GABRG3: variants seen among roughly 807,000 people sequenced by gnomAD.
GABRG3 encodes the protein gamma-aminobutyric acid type A receptor subunit gamma3, also known as gamma-aminobutyric acid receptor subunit gamma-3.
In GABRG3, 25 loss-of-function variants were observed where a neutral mutation model predicts 48.8. That is an observed-to-expected ratio of 0.51 (90% CI 0.37 to 0.72). The LOEUF (loss-of-function observed/expected upper bound fraction) is 0.72, where lower values mean the gene tolerates loss of function less well. Among genes scored for constraint, GABRG3 ranks in the 30% least tolerant of loss-of-function variants. The pLI is 0.00. For synonymous variants in GABRG3, 227 were observed against 217.6 expected (o/e 1.04, Z -0.38); for missense variants, 394 against 577.9 (o/e 0.68, Z 3.26).
At chr15:27,304,613 A>G (rs1216833401) in intron 3 of GABRG3, among the ~76,000 whole-genome samples, 1 of 151,600 alleles carries the variant, frequency 6.6e-6, no homozygotes, top group East Asian at 1.9e-4. Context: ...TGACTGCATG[A>G]CTCTGACCTC....
chr15:27,330,517 C>T (rs914133956), intron 5 of GABRG3, among the ~76,000 whole-genome samples: 1 of 152,232 alleles, frequency 6.6e-6, no homozygotes, highest in Non-Finnish European at 1.5e-5. Context: ...TCTGTAATAG[C>T]TTCCCTTGTT....
chr15:27,350,794 A>G (rs1894538301), intron 5 of GABRG3, among the ~76,000 whole-genome samples: 1 of 152,210 alleles, frequency 6.6e-6, no homozygotes, highest in Admixed American at 6.5e-5. Context: ...AGGTGAGGAC[A>G]GACAGGCTTT....
intron 6 of GABRG3, 91 bp from the exon 7 acceptor site, chr15:27,519,881 C>A: frequency 1.1e-6 from 1 of 891,932 alleles, no homozygotes; most frequent in Non-Finnish European, 1.7e-6. Context: ...TTATCCAAGT[C>A]ATTCACTTAA....
intron 3 of GABRG3, among the ~76,000 whole-genome samples, chr15:27,307,751 A>G (rs926719944): frequency 2.4e-5 from 3 of 126,192 alleles, no homozygotes; most frequent in Non-Finnish European, 3.1e-5. Context: ...AGGTTTATAT[A>G]TAAACATATA....
intron 2 of GABRG3, among the ~76,000 whole-genome samples, chr15:27,019,768 G>A (rs1048952781): frequency 3.0e-4 from 46 of 152,138 alleles, no homozygotes; most frequent in African/African-American, 9.7e-4. Flanking sequence ...AAGATGGAAG[G>A]GAGGTTCCCA....
At chr15:27,148,734 A>G (rs1898256332) in intron 3 of GABRG3, among the ~76,000 whole-genome samples, 1 of 152,034 alleles carries the variant, frequency 6.6e-6, no homozygotes, top group Non-Finnish European at 1.5e-5. Flanking sequence ...TATTCATAGA[A>G]TAGGCACAAA....
intron 3 of GABRG3, among the ~76,000 whole-genome samples, chr15:27,210,587 G>A (rs1217155819): frequency 6.6e-6 from 1 of 152,226 alleles, no homozygotes; most frequent in Non-Finnish European, 1.5e-5. Context: ...CACGTCTACT[G>A]TGCCTGATAA....
At chr15:27,088,429 G>T (rs992527227) in intron 3 of GABRG3, among the ~76,000 whole-genome samples, 1 of 152,116 alleles carries the variant, frequency 6.6e-6, no homozygotes, top group Non-Finnish European at 1.5e-5. Flanking sequence ...AGCCCCAGGG[G>T]CTTTACTCTG....
At chr15:27,306,616 CATATATA>C (rs1388073214) in intron 3 of GABRG3, among the ~76,000 whole-genome samples, 1 of 120,664 alleles carries the variant, frequency 8.3e-6, no homozygotes, top group African/African-American at 3.3e-5. Context: ...TATATATAAA[CATATATA>C]ATATAAACAT....
intron 3 of GABRG3, among the ~76,000 whole-genome samples, chr15:27,062,184 T>A (rs1222710889): frequency 1.3e-5 from 2 of 152,040 alleles, no homozygotes; most frequent in Non-Finnish European, 2.9e-5. Flanking sequence ...AAACGGGGAC[T>A]CCCCTTTGGA....
intron 3 of GABRG3, among the ~76,000 whole-genome samples, chr15:27,216,611 G>A (rs1228408193): frequency 2.0e-5 from 3 of 152,084 alleles, no homozygotes; most frequent in Admixed American, 1.3e-4. Flanking sequence ...GGAATCGATC[G>A]TTAGTCACCA....
intron 3 of GABRG3, among the ~76,000 whole-genome samples, chr15:27,123,486 C>A (rs1897766390): frequency 6.6e-6 from 1 of 152,196 alleles, no homozygotes; most frequent in South Asian, 2.1e-4. Context: ...CAGGCCTTCG[C>A]CAGACACCTC....
chr15:27,480,229 C>G (rs769340335), intron 5 of GABRG3, among the ~76,000 whole-genome samples: 4 of 152,224 alleles, frequency 2.6e-5, no homozygotes, highest in African/African-American at 4.8e-5. Context: ...TTCCTGAGAT[C>G]TGGATGGACT....
chr15:27,174,391 T>G, intron 3 of GABRG3, among the ~76,000 whole-genome samples: 1 of 152,314 alleles, frequency 6.6e-6, no homozygotes, highest in South Asian at 2.1e-4. Flanking sequence ...ACAGGCCATT[T>G]TTTCCTCTTT....
intron 3 of GABRG3, among the ~76,000 whole-genome samples, chr15:27,151,417 A>AAT (rs2140396673): frequency 6.6e-6 from 1 of 151,942 alleles, no homozygotes; most frequent in South Asian, 2.1e-4. Flanking sequence ...TGTGAATATC[A>AAT]ATAGATGGTT....
chr15:26,974,554 C>A lies in GABRG3; in HGVS notation c.54-2448C>A, dbSNP rs1021917866. On this transcript the variant is annotated intron_variant, in intron 1 of 9. Transcript: ENST00000615808. The surrounding 1 kb of genome is among the most constrained non-coding windows in gnomAD (Gnocchi z 4.3). ...AGGGGAAGAAGAGTGAGGCAGACCC[C>A]CTCACAGTGCCCAAGACAGAGACAG... Among the ~76,000 whole-genome samples, 2 of 151,806 alleles carry A rather than the reference C, an allele frequency of 1.3e-5. No homozygotes were observed. Among genetic ancestry groups the A allele is most frequent in the African/African-American group, 4.8e-5 (2 of 41,342 alleles).
intron 3 of GABRG3, among the ~76,000 whole-genome samples, chr15:27,314,192 A>G (rs1283678394): frequency 5.3e-5 from 8 of 152,178 alleles, no homozygotes; most frequent in Admixed American, 2.6e-4. Flanking sequence ...AGGCAACTAT[A>G]GTGAAGTCCT....
intron 3 of GABRG3, among the ~76,000 whole-genome samples, chr15:27,053,907 G>C (rs139506197): frequency 4.7e-4 from 71 of 152,354 alleles, no homozygotes; most frequent in African/African-American, 1.6e-3. Flanking sequence ...TCACTTATAA[G>C]TGGAAGCTAA....
intron 3 of GABRG3, among the ~76,000 whole-genome samples, chr15:27,107,871 A>G (rs1897478929): frequency 6.6e-6 from 1 of 151,498 alleles, no homozygotes; most frequent in Non-Finnish European, 1.5e-5. Flanking sequence ...AATTTTATCT[A>G]GTATTCCCTT....
Sources: allele counts gnomAD v4.1 joint callset (sites outside exome capture counted in the v4.1 genomes callset), GRCh38; gene constraint gnomAD v4.1.1; non-coding constraint Gnocchi (gnomAD v3.1); transcripts MANE v1.5; gene names NCBI Gene and HGNC (gene_info 2026-07-23, HGNC 2026-07-21).